The following NOTCH1 variants were observed in gnomAD, a reference collection of about 807,000 sequenced individuals.
NOTCH1 encodes the protein neurogenic locus notch homolog protein 1.
Under a neutral mutation model 254.8 loss-of-function variants are expected in NOTCH1, and 37 were observed. That is an observed-to-expected ratio of 0.15 (90% CI 0.11 to 0.19). The LOEUF (loss-of-function observed/expected upper bound fraction) is 0.19, where lower values mean the gene tolerates loss of function less well. Among genes scored for constraint, NOTCH1 ranks in the 10% least tolerant of loss-of-function variants. The pLI is 1.00. For missense variants in NOTCH1, 2,972 were observed against 3,708.6 expected (o/e 0.80, Z 5.16); for synonymous variants, 1,731 against 1,618.1 (o/e 1.07, Z -1.68).
chr9:136,526,232 A>G (rs981400250), intron 2 of NOTCH1, among the ~76,000 whole-genome samples: 1 of 152,248 alleles, frequency 6.6e-6, no homozygotes, highest in Admixed American at 6.5e-5. Flanking sequence ...CGTGGAGTGC[A>G]CAGGCTGGGC....
chr9:136,530,156 C>T (rs1049643668), intron 2 of NOTCH1, among the ~76,000 whole-genome samples: 1 of 152,164 alleles, frequency 6.6e-6, no homozygotes, highest in East Asian at 1.9e-4. Flanking sequence ...GCGGCCGGCC[C>T]GCCACAGCGC....
chr9:136,543,984 C>T (rs747735045), intron 2 of NOTCH1, 40 bp downstream of exon 2: 1 of 1,527,314 alleles, frequency 6.5e-7, no homozygotes, highest in Non-Finnish European at 8.9e-7. Context: ...AGGGGCTCTG[C>T]CCTCGACAAA....
rs1354855330 is a variant in NOTCH1 at position 136,508,009 on chromosome 9, G to C, written c.3456C>G (p.Ser1152Arg). The C allele has an allele frequency of 3.1e-6, 5 of 1,612,442 alleles. No individual in the cohort carries two copies. The highest frequency in any genetic ancestry group is 3.4e-6 in the Non-Finnish European group (4 of 1,180,016). The change falls in exon 21 of 34, where the codon AGC becomes AGG. Residue 1152 changes from serine (S) to arginine (R), a missense_variant. Coordinates refer to ENST00000651671, the MANE Select transcript of NOTCH1 (RefSeq NM_017617.5). ...TGCAGGTGGCCCCGTTCTGGCAGGG[G>C]CTGGGTGAGCACTCGTCCACCAGGT... ...CEDLVDECSP[S>R]PCQNGATCTD... is the part of the protein sequence containing the mutation.
chr9:136,511,258 C>A lies in NOTCH1; in HGVS notation c.2481G>T (p.Glu827Asp), dbSNP rs2133354982. Residue 827 changes from glutamate to aspartate, a missense_variant, in exon 16 of 34, where the codon GAG becomes GAT. Transcript: ENST00000651671. ...TGGGGGCACACGGGGCCAGCACCAC[C>A]TCACACGTGGCACCTGCGGGAAGGA... Reference protein sequence around the residue: ...CLLPYTGATCEVVLAPCAPSP... With the variant: ...CLLPYTGATCDVVLAPCAPSP... 6.2e-7 allele frequency: 1 copy of A among 1,612,126 alleles called. No individual in the cohort carries two copies. Among genetic ancestry groups the A allele is most frequent in the South Asian group, 1.1e-5 (1 of 91,062 alleles).
chr9:136,543,858 TTAAG>T (rs755332416), intron 2 of NOTCH1, 162 bp downstream of exon 2: 2 of 733,052 alleles, frequency 2.7e-6, no homozygotes, highest in Non-Finnish European at 4.9e-6. Context: ...TTGCTGGTGA[TTAAG>T]TAATTGCCAG....
At position 136,499,273 on chromosome 9, in the gene NOTCH1, A is replaced by C. The variant is rs2133323316; in HGVS notation, c.5935-14T>G. Reference sequence around the variant, plus strand: ...CCGGATCAGGATCTGGGCAACAGGGAGAGGCTCAGGCGGGTGCTGGGCAGA... The same window carrying C: ...CCGGATCAGGATCTGGGCAACAGGGCGAGGCTCAGGCGGGTGCTGGGCAGA... On this transcript the variant is annotated splice_polypyrimidine_tract_variant and intron_variant, in intron 31 of 33. Transcript: ENST00000651671. 6.2e-7 allele frequency: 1 copy of C among 1,611,914 alleles called. No homozygotes were observed.
At position 136,497,148 on chromosome 9, in the gene NOTCH1, G is replaced by C. The variant is rs767440286; in HGVS notation, c.6591C>G (p.Leu2197=). The C allele has an allele frequency of 1.7e-5, 28 of 1,612,708 alleles. No homozygotes were observed. Among genetic ancestry groups the C allele is most frequent in the Non-Finnish European group, 2.2e-5 (26 of 1,179,934 alleles). The change falls in exon 34 of 34, where the codon CTC becomes CTG. Residue 2197 remains leucine (L), a synonymous_variant. Coordinates refer to ENST00000651671, the MANE Select transcript of NOTCH1 (RefSeq NM_017617.5). ...GTGACTCCAGGGAGTCCACGGGCGA[G>C]AGCATGCCGGAGCTGTCCAGCAGGC... The part of the protein sequence containing the change: ...KGCLLDSSGM[L]SPVDSLESPH...
In NOTCH1 at chr9:136,523,328, G is replaced by A. The variant is rs141018432; in HGVS notation, c.404-140C>T. The A allele has an allele frequency of 3.4e-4, 313 of 907,576 alleles. No homozygotes were observed. In the African/African-American group the frequency reaches 4.7e-3, roughly 14 times the overall value. The allele number at this position is 907,576 out of a possible 1,614,324, so 56.2% of individuals were successfully genotyped here. A position where few individuals can be genotyped will look rare whatever the true frequency, so the allele number is the denominator to read the frequency against. ...ACATTTGATCCTCAGGACCTGCCGT[G>A]AGACCGGTCGCCTTTGGCAGATGAA... On this transcript the variant is annotated intron_variant, in intron 3 of 33. Coordinates refer to ENST00000651671, the MANE Select transcript of NOTCH1 (RefSeq NM_017617.5).
rs2133341410 is a variant in NOTCH1 at position 136,505,901 on chromosome 9, G to A, written c.4015-20C>T. The stretch of plus-strand genomic sequence containing the variant: ...GAAGCCCTGCCCGAGAGGGAAGACA[G>A]GACGGTGTCGGGGTGGGCCACCCCC... On this transcript the variant is annotated intron_variant, in intron 24 of 33. Transcript: ENST00000651671. 6.4e-7 allele frequency: 1 copy of A among 1,569,318 alleles called. No homozygotes were observed. Among genetic ancestry groups the A allele is most frequent in the African/African-American group, 1.3e-5 (1 of 74,552 alleles).
intron 2 of NOTCH1, among the ~76,000 whole-genome samples, chr9:136,531,573 G>T (rs576548044): frequency 4.9e-4 from 75 of 152,302 alleles, no homozygotes; most frequent in African/African-American, 1.5e-3. Flanking sequence ...GGTGGTGGGG[G>T]CAGAGCCCTG....
rs1216276308 is a variant in NOTCH1, at chr9:136,496,245, G to A, written c.7494C>T (p.Pro2498=). The A allele has an allele frequency of 3.1e-6, 5 of 1,604,776 alleles. No individual in the cohort carries two copies. The highest frequency in any genetic ancestry group is 4.3e-6 in the Non-Finnish European group (5 of 1,175,294). ...GCTCAGGCACCTGTAGCTGGTGGCTGGGGGTGTTGTCCACAGGCGAGGAGT... is the reference window on the plus strand; with the variant it reads ...GCTCAGGCACCTGTAGCTGGTGGCTAGGGGTGTTGTCCACAGGCGAGGAGT... ...HSYSSPVDNT[P]SHQLQVPEHP... The change falls in exon 34 of 34, where the codon CCC becomes CCT. Residue 2498 remains proline, a synonymous_variant. Transcript: ENST00000651671.
chr9:136,510,577 A>G, intron 17 of NOTCH1, 76 bp downstream of exon 17: 1 of 1,535,846 alleles, frequency 6.5e-7, no homozygotes, highest in Non-Finnish European at 8.7e-7. Flanking sequence ...GGCCAGCACC[A>G]TGCGCACCAA....
At position 136,500,752 on chromosome 9, in the gene NOTCH1, C is replaced by G. The variant is rs375978224; in HGVS notation, c.5734G>C (p.Asp1912His). 6.2e-7 allele frequency: 1 copy of G among 1,605,742 alleles called. No homozygotes were observed. Among genetic ancestry groups the G allele is most frequent in the Admixed American group, 1.7e-5 (1 of 60,018 alleles). ...AGGCTGGCGCCCTGGTAGATGAAGT[C>G]GGAGATGACGGCCGGCGCGTCCTCC... ...EEEDAPAVIS[D>H]FIYQGASLHN... Residue 1912 changes from aspartate (D) to histidine (H), a missense_variant, in exon 31 of 34, where the codon GAC becomes CAC. By Grantham distance (81) the Asp-to-His change is moderately conservative. Around this residue, in one of 8 missense-constraint regions of NOTCH1, gnomAD observed 421 missense variants for 604.4 expected, o/e 0.70. Transcript: ENST00000651671.
chr9:136,525,043 T>A (rs1017121148), intron 2 of NOTCH1, among the ~76,000 whole-genome samples: 6 of 152,166 alleles, frequency 3.9e-5, no homozygotes, highest in Non-Finnish European at 8.8e-5. Flanking sequence ...CTGCCCACGC[T>A]CAGCCCCCAG....
intron 2 of NOTCH1, among the ~76,000 whole-genome samples, chr9:136,525,308 C>A (rs910818745): frequency 6.6e-6 from 1 of 152,164 alleles, no homozygotes; most frequent in Non-Finnish European, 1.5e-5. Flanking sequence ...CTGTTCCCTG[C>A]GGCAACAGGC....
chr9:136,497,949 G>A (rs1369353804), intron 33 of NOTCH1, among the ~76,000 whole-genome samples: 1 of 152,220 alleles, frequency 6.6e-6, no homozygotes, highest in Non-Finnish European at 1.5e-5. Flanking sequence ...CAGGGAGGGA[G>A]CTCGTCATCT....
intron 22 of NOTCH1, 131 bp downstream of exon 22, chr9:136,507,174 C>A: frequency 2.0e-6 from 3 of 1,538,444 alleles, no homozygotes; most frequent in Non-Finnish European, 2.7e-6. Flanking sequence ...GTGAGTCGGC[C>A]TTGGCCTCAC....
intron 17 of NOTCH1, among the ~76,000 whole-genome samples, chr9:136,510,351 G>A (rs912013001): frequency 1.6e-4 from 25 of 151,918 alleles, no homozygotes; most frequent in South Asian, 4.2e-4. Flanking sequence ...GGCCTGCAGC[G>A]GGGCCCGATG....
rs1216304049 is a variant in NOTCH1, at chr9:136,502,087, G to A, written c.5386C>T (p.Pro1796Ser). ...PLGEDSVGLKPLKNASDGALM... is the reference protein window; with the variant it reads ...PLGEDSVGLKSLKNASDGALM... ...GCACCGTCTGAAGCGTTCTTCAGGG[G>A]CCTGGGGGGTGAGGGGTCGAGAAGT... The change falls in exon 29 of 34, where the codon CCC (proline) becomes TCC (serine). Residue 1796 changes from proline to serine, a missense_variant and splice_region_variant. Pro to Ser is a moderately conservative substitution (Grantham distance 74). Transcript: ENST00000651671. 2 of 1,613,100 alleles carry A rather than the reference G, an allele frequency of 1.2e-6. No homozygotes were observed. The highest frequency in any genetic ancestry group is 1.1e-5 in the South Asian group (1 of 91,086).
Sources: gnomAD v4.1 joint callset for allele counts (sites outside exome capture counted in the v4.1 genomes callset) on GRCh38, gnomAD v4.1.1 for gene constraint, gnomAD v4.1.1 regional missense constraint, MANE v1.5 for transcripts, NCBI Gene and HGNC (gene_info 2026-07-23, HGNC 2026-07-21) for gene names.